The following DIP2B variants were observed in gnomAD, a reference collection of about 807,000 sequenced individuals.
DIP2B encodes DIP2 acetate--CoA ligase B (putative), also known as disco-interacting protein 2 homolog B.
Under a neutral mutation model 198.0 loss-of-function variants are expected in DIP2B, and 76 were observed. The ratio of observed to expected loss-of-function variants is 0.38; its 90% CI spans 0.32 to 0.46. The LOEUF is 0.46. Among genes scored for constraint, DIP2B ranks in the 20% least tolerant of loss-of-function variants. DIP2B has a pLI of 0.99. For missense variants in DIP2B, 1,559 were observed against 1,978.4 expected, an observed-to-expected ratio of 0.79 and a Z score of 4.02; for synonymous variants, 701 against 739.1, an observed-to-expected ratio of 0.95 and a Z score of 0.84.
chr12:50,508,943 G>A (rs961777028), intron 1 of DIP2B, among the ~76,000 whole-genome samples: 2 of 152,124 alleles, frequency 1.3e-5, no homozygotes, highest in African/African-American at 4.8e-5. Flanking sequence ...CAGATGATCT[G>A]CCTGCCTTGG....
intron 1 of DIP2B, among the ~76,000 whole-genome samples, chr12:50,530,866 A>G (rs1958210833): frequency 6.6e-6 from 1 of 152,006 alleles, no homozygotes; most frequent in Non-Finnish European, 1.5e-5. Flanking sequence ...GGGGAGAGAA[A>G]ATTCAGTTTT....
intron 21 of DIP2B, among the ~76,000 whole-genome samples, chr12:50,708,165 GTATT>G (rs1005906670): frequency 1.3e-5 from 2 of 151,504 alleles, no homozygotes; most frequent in Admixed American, 6.6e-5. Context: ...GCATTATTCT[GTATT>G]TATTTGTTTG....
intron 1 of DIP2B, among the ~76,000 whole-genome samples, chr12:50,604,813 A>G (rs1281060320): frequency 6.6e-6 from 1 of 152,148 alleles, no homozygotes; most frequent in Non-Finnish European, 1.5e-5. Context: ...AACTTGCTTT[A>G]TGATCTGGTA....
intron 6 of DIP2B, among the ~76,000 whole-genome samples, 182 bp downstream of exon 6, chr12:50,674,811 G>A (rs1449872881): frequency 6.6e-6 from 1 of 152,184 alleles, no homozygotes; most frequent in Non-Finnish European, 1.5e-5. Flanking sequence ...CCACTTAATT[G>A]AACTTAGTGG....
intron 34 of DIP2B, among the ~76,000 whole-genome samples, chr12:50,736,209 G>C (rs1432429249): frequency 1.3e-5 from 2 of 152,182 alleles, no homozygotes; most frequent in Non-Finnish European, 2.9e-5. Context: ...GCGAGCAGAG[G>C]GGGATTTGGC....
chr12:50,716,283 A>AAATT (rs1939712704), intron 23 of DIP2B, among the ~76,000 whole-genome samples: 1 of 151,812 alleles, frequency 6.6e-6, no homozygotes, highest in Admixed American at 6.6e-5. Context: ...TTGTAGACTA[A>AAATT]AACTGTTCAC....
At chr12:50,543,720 C>T (rs11169488) in intron 1 of DIP2B, among the ~76,000 whole-genome samples, 3 of 151,522 alleles carry the variant, frequency 2.0e-5, no homozygotes, top group East Asian at 2.0e-4. Context: ...TCCAGGAGTT[C>T]GAGACCAGCC....
intron 1 of DIP2B, among the ~76,000 whole-genome samples, chr12:50,506,371 T>A (rs1957968684): frequency 6.6e-6 from 1 of 151,956 alleles, no homozygotes; most frequent in African/African-American, 2.4e-5. Flanking sequence ...TTATTAAACA[T>A]TACTTATTGT....
intron 3 of DIP2B, among the ~76,000 whole-genome samples, chr12:50,656,012 T>C (rs561631787): frequency 4.6e-5 from 7 of 152,254 alleles, no homozygotes; most frequent in African/African-American, 1.7e-4. Flanking sequence ...ATGTACTTCC[T>C]GTGTATGGTA....
chr12:50,735,147 A>T lies in DIP2B; in HGVS notation c.4101+17A>T. ...TCTGGAAAGGTAATTTGTTCTGTTG[A>T]CCATGGGGAAGGTGGGCTGTGTGGA... On this transcript the variant is annotated intron_variant, in intron 34 of 37. Transcript: ENST00000301180. 6.2e-7 allele frequency: 1 copy of T among 1,614,028 alleles called. No homozygotes were observed. Among genetic ancestry groups the T allele is most frequent in the African/African-American group, 1.3e-5 (1 of 75,018 alleles).
At chr12:50,596,924 T>C (rs1958883448) in intron 1 of DIP2B, among the ~76,000 whole-genome samples, 1 of 152,224 alleles carries the variant, frequency 6.6e-6, no homozygotes, top group Non-Finnish European at 1.5e-5. Context: ...ATCATTAGTA[T>C]TTACTTTAAA....
At chr12:50,532,550 T>C (rs1325208083) in intron 1 of DIP2B, among the ~76,000 whole-genome samples, 2 of 152,056 alleles carry the variant, frequency 1.3e-5, no homozygotes, top group Non-Finnish European at 2.9e-5. Flanking sequence ...GAGTGTAATA[T>C]ATGTATCCTT....
intron 1 of DIP2B, among the ~76,000 whole-genome samples, chr12:50,622,419 A>G (rs952411572): frequency 7.2e-5 from 11 of 152,262 alleles, no homozygotes; most frequent in African/African-American, 2.4e-4. Context: ...AAGTTTTAAA[A>G]TATTTATTGT....
chr12:50,684,921 G>A (rs998196964), intron 10 of DIP2B, among the ~76,000 whole-genome samples: 12 of 151,942 alleles, frequency 7.9e-5, no homozygotes, highest in Non-Finnish European at 1.5e-4. Context: ...ACGAAACCCT[G>A]TCTCTACTAA....
intron 5 of DIP2B, among the ~76,000 whole-genome samples, chr12:50,671,983 G>A (rs981319939): frequency 6.6e-6 from 1 of 152,106 alleles, no homozygotes; most frequent in African/African-American, 2.4e-5. Flanking sequence ...TTTATGTTTT[G>A]TGTGTGTGTT....
chr12:50,528,818 G>T (rs898830396), intron 1 of DIP2B, among the ~76,000 whole-genome samples: 9 of 152,164 alleles, frequency 5.9e-5, no homozygotes, highest in Non-Finnish European at 1.2e-4. Flanking sequence ...CAGGAGAGTT[G>T]GGGGCCAGGA....
At chr12:50,732,264 A>G (rs754973016) in intron 31 of DIP2B, 102 bp from the exon 32 acceptor site, 17 of 1,340,174 alleles carry the variant, frequency 1.3e-5, no homozygotes, top group African/African-American at 2.9e-5. Context: ...AGAATACACA[A>G]TTGCTTGGCT....
chr12:50,662,522 T>A (rs1030938331), intron 4 of DIP2B, among the ~76,000 whole-genome samples: 11 of 152,244 alleles, frequency 7.2e-5, no homozygotes, highest in African/African-American at 2.4e-4. Flanking sequence ...TAGAATTTGC[T>A]GTTCCCACAT....
intron 27 of DIP2B, among the ~76,000 whole-genome samples, chr12:50,724,181 G>T (rs1441763077): frequency 6.6e-6 from 1 of 152,186 alleles, no homozygotes; most frequent in African/African-American, 2.4e-5. Flanking sequence ...AAATGCCCTT[G>T]TTATATTCTA....
Sources: gnomAD v4.1 joint callset for allele counts (sites outside exome capture counted in the v4.1 genomes callset) on GRCh38, gnomAD v4.1.1 for gene constraint, MANE v1.5 for transcripts, NCBI Gene and HGNC (gene_info 2026-07-23, HGNC 2026-07-21) for gene names.